UGT2A3: variants seen among roughly 807,000 people sequenced by gnomAD.
UGT2A3 encodes the protein UDP-glucuronosyltransferase 2A3.
UGT2A3 carries 55 observed loss-of-function variants against 44.1 expected under a neutral mutation model. That is an observed-to-expected ratio of 1.25 (90% CI 1.00 to 1.56). UGT2A3 has a LOEUF of 1.56. Ranked by LOEUF, UGT2A3 falls within the 40% of genes most tolerant of loss-of-function variation. UGT2A3 has a pLI of 0.00. For synonymous variants in UGT2A3, 243 were observed against 215.1 expected, an observed-to-expected ratio of 1.13 and a Z score of -1.13; for missense variants, 733 against 621.6, an observed-to-expected ratio of 1.18 and a Z score of -1.91.
At position 68,951,333 on chromosome 4, in the gene UGT2A3, T is replaced by A; in HGVS notation, c.428A>T (p.Tyr143Phe). 1.2e-6 allele frequency: 2 copies of A among 1,612,620 alleles called. No individual in the cohort carries two copies. The highest frequency in any genetic ancestry group is 2.2e-5 in the South Asian group (2 of 91,028). ...CACAGGGTCTATAAGCATTACATCG[T>A]AGTTGGTTTCCTGTAGCTTCTTCAT... Reference protein sequence around the residue: ...TLMKKLQETNYDVMLIDPVIP... With the variant: ...TLMKKLQETNFDVMLIDPVIP... Residue 143 changes from tyrosine to phenylalanine, a missense_variant, in exon 1 of 6, where the codon TAC becomes TTC. Transcript: ENST00000251566.
At chr4:68,932,804 A>C (rs1717786118) in intron 2 of UGT2A3, 45 bp from the exon 3 acceptor site, 2 of 1,551,796 alleles carry the variant, frequency 1.3e-6, no homozygotes, top group East Asian at 4.5e-5. Context: ...TAATATAACA[A>C]AAATTAAAAT....
chr4:68,950,956 C>T (rs546277529), intron 1 of UGT2A3, 90 bp downstream of exon 1: 2 of 878,894 alleles, frequency 2.3e-6, no homozygotes, highest in African/African-American at 1.7e-5. Context: ...AACTCATTGA[C>T]CTGCATATAT....
chr4:68,930,054 T>C lies in UGT2A3; in HGVS notation c.1343A>G (p.His448Arg), dbSNP rs76146984. ...ATCTAGGGGCTTTACAGGTTGATCA[T>C]GGTGAATTCTTGATAATCTCATAGC... ...ENAMRLSRIH[H>R]DQPVKPLDRA... is the part of the protein sequence containing the mutation. Residue 448 changes from histidine (H) to arginine (R), a missense_variant, in exon 6 of 6, where the codon CAT (histidine) becomes CGT (arginine). By Grantham distance (29) the His-to-Arg change is conservative. Transcript: ENST00000251566. 41 of 1,613,078 alleles carry C rather than the reference T, an allele frequency of 2.5e-5. No homozygotes were observed. In the African/African-American group the frequency reaches 3.3e-4, roughly 13 times the overall value.
intron 2 of UGT2A3, among the ~76,000 whole-genome samples, chr4:68,941,102 G>A (rs920793641): frequency 6.6e-6 from 1 of 151,564 alleles, no homozygotes; most frequent in Non-Finnish European, 1.5e-5. Flanking sequence ...ACAAAACCTG[G>A]CACTCCCTCA....
At chr4:68,937,447 G>C (rs567614881) in intron 2 of UGT2A3, among the ~76,000 whole-genome samples, 3 of 152,202 alleles carry the variant, frequency 2.0e-5, no homozygotes, top group Non-Finnish European at 4.4e-5. Flanking sequence ...TGAGTAACCT[G>C]CACCTGAATG....
At chr4:68,946,253 A>G (rs1240096801) in intron 1 of UGT2A3, among the ~76,000 whole-genome samples, 1 of 151,760 alleles carries the variant, frequency 6.6e-6, no homozygotes, top group Non-Finnish European at 1.5e-5. Flanking sequence ...TTTGCAAGTG[A>G]TAAAAAGATA....
chr4:68,934,535 T>C (rs7678708), intron 2 of UGT2A3, among the ~76,000 whole-genome samples: 140,678 of 152,014 alleles, frequency 0.93, 65,653 homozygotes, highest in Non-Finnish European at 0.99. Context: ...CATAACAAAA[T>C]GAAACAAACC....
At chr4:68,934,623 G>A (rs1356835830) in intron 2 of UGT2A3, among the ~76,000 whole-genome samples, 3 of 152,026 alleles carry the variant, frequency 2.0e-5, no homozygotes, top group East Asian at 1.9e-4. Flanking sequence ...TATAAACCCA[G>A]CATTTTCAGA....
intron 3 of UGT2A3, 125 bp downstream of exon 3, chr4:68,932,503 A>T: frequency 9.9e-7 from 1 of 1,013,448 alleles, no homozygotes; most frequent in Non-Finnish European, 1.5e-6. Context: ...CATGTACACT[A>T]CTATAATGTT....
At chr4:68,946,776 T>C (rs1718399166) in intron 1 of UGT2A3, among the ~76,000 whole-genome samples, 1 of 151,652 alleles carries the variant, frequency 6.6e-6, no homozygotes, top group African/African-American at 2.4e-5. Context: ...CAAGATAAGT[T>C]GCAGTTCATC....
chr4:68,932,151 A>G (rs1398508488), intron 3 of UGT2A3, among the ~76,000 whole-genome samples: 2 of 151,960 alleles, frequency 1.3e-5, no homozygotes, highest in Non-Finnish European at 2.9e-5. Context: ...TTGACATTTT[A>G]CTTTTGAAAC....
rs747453084 is a variant in UGT2A3, at chr4:68,930,782, A to G, written c.1085-17T>C. The G allele has an allele frequency of 6.5e-7, 1 of 1,546,940 alleles. No homozygotes were observed. Among genetic ancestry groups the G allele is most frequent in the Non-Finnish European group, 8.7e-7 (1 of 1,147,666 alleles). On this transcript the variant is annotated splice_polypyrimidine_tract_variant and intron_variant, in intron 4 of 5. Coordinates refer to ENST00000251566, the MANE Select transcript of UGT2A3 (RefSeq NM_024743.4). ...TGGGATGACCTAGTATGTAAATTGG[A>G]TGAGAAATGGTGAGATATTTTATTC...
chr4:68,936,040 C>T (rs886832658), intron 2 of UGT2A3, among the ~76,000 whole-genome samples: 2 of 152,020 alleles, frequency 1.3e-5, no homozygotes, highest in Non-Finnish European at 2.9e-5. Flanking sequence ...AGGAACAAAG[C>T]CTCCAAGAAA....
At position 68,931,230 on chromosome 4, in the gene UGT2A3, A is replaced by G. The variant is rs1560454950; in HGVS notation, c.1009T>C (p.Tyr337His). The change falls in exon 4 of 6, where the codon TAC becomes CAC. Residue 337 changes from tyrosine (Y) to histidine (H), a missense_variant. Tyr to His is a moderately conservative substitution (Grantham distance 83). Coordinates refer to ENST00000251566, the MANE Select transcript of UGT2A3 (RefSeq NM_024743.4). ...AQIPQKVLWR[Y>H]KGKKPSTLGA... ...AATGTGGATGGTTTTTTTCCTTTGT[A>G]CCTCCATAACACCTACGGAAGAAAC... 6.2e-7 allele frequency: 1 copy of G among 1,611,910 alleles called. No homozygotes were observed. The highest frequency in any genetic ancestry group is 1.1e-5 in the South Asian group (1 of 91,006).
At chr4:68,948,436 T>C (rs1458244) in intron 1 of UGT2A3, among the ~76,000 whole-genome samples, 57,477 of 124,690 alleles carry the variant, frequency 0.46, 15,066 homozygotes, top group Non-Finnish European at 0.63. Flanking sequence ...TTTTCTTTTT[T>C]TTCTTTTTTT....
rs771394781 is a variant in UGT2A3 at position 68,951,709 on chromosome 4, C to A, written c.52G>T (p.Val18Phe). 4.4e-5 allele frequency: 70 copies of A among 1,608,706 alleles called. No individual in the cohort carries two copies. The East Asian group carries it at 5.6e-4, about 13-fold the overall frequency. ...ACTTTCCCACAGAATCCACAGCCAA[C>A]ACAGAAGAGCTGCAGGAGCAGAAAT... ...LVFLLLQLFC[V>F]GCGFCGKVLV... is the part of the protein sequence containing the mutation. Residue 18 changes from valine (V) to phenylalanine (F), a missense_variant, in exon 1 of 6, where the codon GTT (valine) becomes TTT (phenylalanine). Coordinates refer to ENST00000251566, the MANE Select transcript of UGT2A3 (RefSeq NM_024743.4).
intron 2 of UGT2A3, among the ~76,000 whole-genome samples, chr4:68,936,842 A>G (rs182218706): frequency 6.1e-4 from 92 of 150,260 alleles, no homozygotes; most frequent in African/African-American, 2.2e-3. Flanking sequence ...ACACACATAG[A>G]CACAAAATAA....
At chr4:68,943,453 T>C in intron 2 of UGT2A3, 2 of 602,846 alleles carry the variant, frequency 3.3e-6, no homozygotes, top group Non-Finnish European at 4.6e-6. Flanking sequence ...ATAAAACCAA[T>C]AATTTTTCTG....
chr4:68,929,646 G>T lies in UGT2A3; in HGVS notation c.*167C>A. On this transcript the variant is annotated 3_prime_UTR_variant, in exon 6 of 6. Transcript: ENST00000251566. ...GTAAAGACACCTAGGAAAATACAAC[G>T]AAAGAATGAGATATACTCACAACCT... 1.7e-6 allele frequency: 1 copy of T among 590,240 alleles called. No individual in the cohort carries two copies. The highest frequency in any genetic ancestry group is 2.8e-6 in the Non-Finnish European group (1 of 350,944). The allele number at this position is 590,240 out of a possible 1,614,324, so 36.6% of individuals were successfully genotyped here.
Sources: gnomAD v4.1 joint callset for allele counts (sites outside exome capture counted in the v4.1 genomes callset) on GRCh38, gnomAD v4.1.1 for gene constraint, MANE v1.5 for transcripts, NCBI Gene and HGNC (gene_info 2026-07-23, HGNC 2026-07-21) for gene names.